Variants in MYO1D observed in about 807,000 individuals in gnomAD.
MYO1D encodes the protein unconventional myosin-Id.
A neutral mutation model predicts 122.0 loss-of-function variants in MYO1D; 83 were observed. That is an observed-to-expected ratio of 0.68 (90% CI 0.57 to 0.82). The LOEUF (loss-of-function observed/expected upper bound fraction) is 0.82, where lower values mean the gene tolerates loss of function less well. Among genes scored for constraint, MYO1D ranks in the 40% least tolerant of loss-of-function variants. The pLI is 0.00. For synonymous variants in MYO1D, 464 were observed against 446.9 expected (o/e 1.04, Z -0.48); for missense variants, 1,157 against 1,269.5 (o/e 0.91, Z 1.35).
intron 16 of MYO1D, among the ~76,000 whole-genome samples, chr17:32,711,418 T>C (rs2089374604): frequency 1.3e-5 from 2 of 152,088 alleles, no homozygotes; most frequent in Non-Finnish European, 2.9e-5. Flanking sequence ...GAGGCCGAGG[T>C]GGGCAGATCA....
chr17:32,573,979 C>CAA (rs2087254795), intron 21 of MYO1D, among the ~76,000 whole-genome samples: 1 of 152,066 alleles, frequency 6.6e-6, no homozygotes, highest in Non-Finnish European at 1.5e-5. Context: ...CAGCCTCCTG[C>CAA]GTAGCTGGGA....
chr17:32,617,524 T>C (rs1399127291), intron 20 of MYO1D, among the ~76,000 whole-genome samples: 1 of 152,196 alleles, frequency 6.6e-6, no homozygotes, highest in Admixed American at 6.5e-5. Flanking sequence ...CACTGCAACC[T>C]CTGCCTCCTG....
chr17:32,594,379 G>T, intron 21 of MYO1D: 1 of 425,006 alleles, frequency 2.4e-6, no homozygotes, highest in Non-Finnish European at 4.2e-6. Flanking sequence ...TATCAACTGT[G>T]CCATTTTCAG....
intron 21 of MYO1D, among the ~76,000 whole-genome samples, chr17:32,580,827 A>G (rs2087332137): frequency 6.6e-6 from 1 of 152,134 alleles, no homozygotes; most frequent in African/African-American, 2.4e-5. Flanking sequence ...TTGATTAGTT[A>G]TTTTATAAAA....
intron 10 of MYO1D, chr17:32,759,929 G>A (rs968190624): frequency 1.2e-5 from 6 of 512,298 alleles, no homozygotes; most frequent in African/African-American, 3.8e-5. Context: ...GGAGGAAAAA[G>A]GGAAGAAGAA....
intron 16 of MYO1D, among the ~76,000 whole-genome samples, chr17:32,697,893 CT>C (rs2089193709): frequency 6.6e-6 from 1 of 152,190 alleles, no homozygotes; most frequent in Non-Finnish European, 1.5e-5. Context: ...AACACATCAC[CT>C]TTGTGACTAG....
At chr17:32,660,604 T>G (rs1260415291) in intron 16 of MYO1D, among the ~76,000 whole-genome samples, 1 of 152,204 alleles carries the variant, frequency 6.6e-6, no homozygotes, top group Non-Finnish European at 1.5e-5. Context: ...GGGACCCCAA[T>G]GGGTCAAGAA....
At chr17:32,781,779 C>T (rs2090241961) in intron 1 of MYO1D, among the ~76,000 whole-genome samples, 1 of 150,468 alleles carries the variant, frequency 6.6e-6, no homozygotes, top group African/African-American at 2.4e-5. Context: ...TATGCTATGA[C>T]TGCAATTGTG....
At chr17:32,503,659 T>C (rs764857313) in intron 21 of MYO1D, among the ~76,000 whole-genome samples, 1 of 152,122 alleles carries the variant, frequency 6.6e-6, no homozygotes, top group African/African-American at 2.4e-5. Context: ...CTTTTCAAAG[T>C]GATAGTAAAT....
At chr17:32,569,189 C>G (rs1370414647) in intron 21 of MYO1D, among the ~76,000 whole-genome samples, 1 of 152,164 alleles carries the variant, frequency 6.6e-6, no homozygotes, top group African/African-American at 2.4e-5. Context: ...GAAACTTCAG[C>G]TGATTTCCAT....
intron 21 of MYO1D, among the ~76,000 whole-genome samples, chr17:32,525,718 T>C (rs976976925): frequency 6.6e-6 from 1 of 152,000 alleles, no homozygotes; most frequent in Admixed American, 6.6e-5. Flanking sequence ...CTCCCTGCAG[T>C]TTCTAATTGG....
At chr17:32,590,948 A>C (rs2087433372) in intron 21 of MYO1D, among the ~76,000 whole-genome samples, 1 of 152,262 alleles carries the variant, frequency 6.6e-6, no homozygotes. Flanking sequence ...TGATGAAAAG[A>C]TCAGTTTTCC....
At chr17:32,544,405 G>A (rs532557335) in intron 21 of MYO1D, among the ~76,000 whole-genome samples, 11 of 152,244 alleles carry the variant, frequency 7.2e-5, no homozygotes, top group African/African-American at 2.2e-4. Flanking sequence ...CCAGCCTAAA[G>A]CTTGCTAAGT....
At chr17:32,532,641 G>C (rs976532274) in intron 21 of MYO1D, among the ~76,000 whole-genome samples, 4 of 151,654 alleles carry the variant, frequency 2.6e-5, no homozygotes, top group Non-Finnish European at 4.4e-5. Context: ...CAGGAGAATG[G>C]CGTGAACCTG....
intron 20 of MYO1D, among the ~76,000 whole-genome samples, chr17:32,610,880 A>G (rs2087692160): frequency 6.6e-6 from 1 of 152,228 alleles, no homozygotes; most frequent in African/African-American, 2.4e-5. Flanking sequence ...TTCTCCGAAC[A>G]AAAGGGAAAC....
chr17:32,712,329 C>A (rs1402017081), intron 15 of MYO1D, 134 bp from the exon 16 acceptor site: 2 of 772,672 alleles, frequency 2.6e-6, no homozygotes, highest in Non-Finnish European at 2.1e-6. Flanking sequence ...TCATTAGCCT[C>A]ATAAGGTATG....
intron 19 of MYO1D, among the ~76,000 whole-genome samples, chr17:32,639,361 TTTTGTGTGTGTGTGTGTGTGTGTGTGTG>T (rs2088156870): frequency 1.5e-5 from 1 of 65,676 alleles, no homozygotes; most frequent in East Asian, 4.8e-4. Context: ...TTGGGAGAAA[TTTTGTGTGTGTGTGTGTGTGTGTGTGTG>T]TGTGTGTGTG....
intron 16 of MYO1D, among the ~76,000 whole-genome samples, chr17:32,709,316 A>G (rs1400796964): frequency 6.6e-6 from 1 of 152,176 alleles, no homozygotes; most frequent in African/African-American, 2.4e-5. Flanking sequence ...TCTAACTCTG[A>G]GCTTGAATCA....
chr17:32,563,849 T>C (rs1217225461), intron 21 of MYO1D, among the ~76,000 whole-genome samples: 1 of 152,244 alleles, frequency 6.6e-6, no homozygotes, highest in Non-Finnish European at 1.5e-5. Flanking sequence ...AGATAAGCTA[T>C]TAAAACATTT....
Sources: allele counts gnomAD v4.1 joint callset (sites outside exome capture counted in the v4.1 genomes callset), GRCh38; gene constraint gnomAD v4.1.1; transcripts MANE v1.5; gene names NCBI Gene and HGNC (gene_info 2026-07-23, HGNC 2026-07-21).